The following SBK1 variants were observed in gnomAD, a reference collection of about 807,000 sequenced individuals.
SBK1 encodes serine/threonine-protein kinase SBK1.
In SBK1, 11 loss-of-function variants were observed where a neutral mutation model predicts 24.4. The ratio of observed to expected loss-of-function variants is 0.45; its 90% CI spans 0.28 to 0.75. SBK1 has a LOEUF of 0.75. Ranked by LOEUF, SBK1 falls within the 30% of genes least tolerant of loss-of-function variation. The pLI is 0.12. For missense variants in SBK1, 467 were observed against 620.5 expected, an observed-to-expected ratio of 0.75 and a Z score of 2.63; for synonymous variants, 308 against 284.4, an observed-to-expected ratio of 1.08 and a Z score of -0.83.
intron 1 of SBK1, among the ~76,000 whole-genome samples, chr16:28,264,311 C>CTGG (rs1555535657): frequency 5.9e-5 from 9 of 151,864 alleles, no homozygotes; most frequent in Admixed American, 2.0e-4. Flanking sequence ...TACAGGCTCA[C>CTGG]GCCTGTAATC....
chr16:28,265,288 G>A (rs961184794), intron 1 of SBK1, among the ~76,000 whole-genome samples: 12 of 151,838 alleles, frequency 7.9e-5, no homozygotes, highest in Non-Finnish European at 1.2e-4. Flanking sequence ...GCATCATGGC[G>A]CATGTCTGTA....
chr16:28,296,159 A>G (rs1352368466), intron 1 of SBK1, among the ~76,000 whole-genome samples: 1 of 149,756 alleles, frequency 6.7e-6, no homozygotes, highest in African/African-American at 2.5e-5. Flanking sequence ...TCGTGGCACA[A>G]TCTCGGCTCG....
rs1364511498 is a variant in SBK1 at position 28,320,449 on chromosome 16, G to A, written c.803G>A (p.Arg268His). 1 of 1,579,704 alleles carries A rather than the reference G, an allele frequency of 6.3e-7. No homozygotes were observed. Among genetic ancestry groups the A allele is most frequent in the Non-Finnish European group, 8.5e-7 (1 of 1,170,018 alleles). ...GADAFFEEFV[R>H]WQRGRLPGLP... ...GACGCCTTCTTCGAGGAGTTCGTGC[G>A]CTGGCAGCGGGGCCGCCTGCCGGGG... Residue 268 changes from arginine to histidine, a missense_variant, in exon 4 of 4, where the codon CGC (arginine) becomes CAC (histidine). Arg to His is a conservative substitution (Grantham distance 29). Transcript: ENST00000341901. This position sits in a 1 kb window ranked among gnomAD's most constrained non-coding sequence, Gnocchi z 8.5.
At chr16:28,307,944 A>G (rs1273377925) in intron 1 of SBK1, among the ~76,000 whole-genome samples, 1 of 152,158 alleles carries the variant, frequency 6.6e-6, no homozygotes, top group East Asian at 1.9e-4. Flanking sequence ...CCTGGCATAT[A>G]GTAAATGCTC....
At chr16:28,272,291 A>G (rs1387912523) in intron 1 of SBK1, among the ~76,000 whole-genome samples, 1 of 152,074 alleles carries the variant, frequency 6.6e-6, no homozygotes, top group Non-Finnish European at 1.5e-5. Context: ...GCTGGTTTCG[A>G]ACTCCTGGGC....
chr16:28,313,710 G>T (rs2044770426), intron 1 of SBK1, among the ~76,000 whole-genome samples: 1 of 151,914 alleles, frequency 6.6e-6, no homozygotes, highest in African/African-American at 2.4e-5. Context: ...GGAGGGGAGG[G>T]TTCCTTCCTC....
intron 1 of SBK1, among the ~76,000 whole-genome samples, chr16:28,271,160 GC>G (rs1243100940): frequency 2.0e-5 from 3 of 152,042 alleles, no homozygotes; most frequent in Non-Finnish European, 2.9e-5. Flanking sequence ...ACTGCACCCG[GC>G]CTACGCACCC....
intron 1 of SBK1, among the ~76,000 whole-genome samples, chr16:28,275,691 G>A (rs915893826): frequency 6.6e-6 from 1 of 152,056 alleles, no homozygotes. Flanking sequence ...ACCAGCCTTG[G>A]CAACATGACG....
intron 1 of SBK1, among the ~76,000 whole-genome samples, chr16:28,311,194 G>A (rs1309237459): frequency 6.6e-6 from 1 of 152,178 alleles, no homozygotes; most frequent in Non-Finnish European, 1.5e-5. Flanking sequence ...TGCCCCTGGG[G>A]AGCTCTTGGT....
In SBK1 at chr16:28,259,688, C is replaced by A. The variant is rs1300618314; in HGVS notation, c.257+186C>A. The stretch of plus-strand genomic sequence containing the variant: ...GTTGTTGCCACAGCCTCCTTCCTAT[C>A]TCCCCCACCCTAGCCCCAGAGTGGC... On this transcript the variant is annotated intron_variant, in intron 1 of 3. Coordinates refer to the SBK1 transcript ENST00000671413. This position sits in a 1 kb window ranked among gnomAD's most constrained non-coding sequence, Gnocchi z 6.0. Among the ~76,000 whole-genome samples, 2 of 152,196 alleles carry A rather than the reference C, an allele frequency of 1.3e-5. No homozygotes were observed. The highest frequency in any genetic ancestry group is 2.9e-5 in the Non-Finnish European group (2 of 68,036).
At chr16:28,293,449 G>A in intron 1 of SBK1, 149 bp downstream of exon 1, 2 of 230,190 alleles carry the variant, frequency 8.7e-6, no homozygotes, top group Non-Finnish European at 1.4e-5. Flanking sequence ...TTTGTGTCTC[G>A]CTTGGAGGAG....
chr16:28,299,336 G>T (rs1029322209), intron 1 of SBK1, among the ~76,000 whole-genome samples: 2 of 152,186 alleles, frequency 1.3e-5, no homozygotes, highest in Non-Finnish European at 2.9e-5. Flanking sequence ...GAGCAGAAAG[G>T]GAAAGTTAGC....
At chr16:28,312,766 G>A (rs755579653) in intron 1 of SBK1, among the ~76,000 whole-genome samples, 3 of 152,208 alleles carry the variant, frequency 2.0e-5, no homozygotes, top group African/African-American at 2.4e-5. Flanking sequence ...TTGGGAGGCC[G>A]AGGCAGGAGG....
intron 1 of SBK1, among the ~76,000 whole-genome samples, chr16:28,313,924 G>GT (rs1413410909): frequency 6.6e-6 from 1 of 152,070 alleles, no homozygotes; most frequent in Non-Finnish European, 1.5e-5. Context: ...GGCTCATGGA[G>GT]TGCTCACCCC....
chr16:28,290,013 G>C (rs1254989953), upstream of SBK1, among the ~76,000 whole-genome samples: 2 of 151,600 alleles, frequency 1.3e-5, no homozygotes, highest in African/African-American at 2.4e-5. Flanking sequence ...TTGATCCCAG[G>C]AGGTTGAGGC....
At chr16:28,294,650 G>A (rs2044626342) in intron 1 of SBK1, among the ~76,000 whole-genome samples, 2 of 152,210 alleles carry the variant, frequency 1.3e-5, no homozygotes, top group African/African-American at 4.8e-5. Flanking sequence ...ACCTGAAGCA[G>A]CTGATCCCTG....
intron 1 of SBK1, among the ~76,000 whole-genome samples, chr16:28,316,159 G>A (rs751695207): frequency 6.6e-6 from 1 of 152,198 alleles, no homozygotes; most frequent in Non-Finnish European, 1.5e-5. Context: ...CTGCCAGGCT[G>A]TGCTGATGTG....
At chr16:28,268,644 T>C (rs1187755888) in intron 1 of SBK1, among the ~76,000 whole-genome samples, 2 of 151,840 alleles carry the variant, frequency 1.3e-5, no homozygotes, top group East Asian at 3.9e-4. Context: ...GTGCCTGTAG[T>C]CCCAGCTACT....
rs567728317 is a variant in SBK1 at position 28,317,979 on chromosome 16, G to T, written c.226+362G>T. Among the ~76,000 whole-genome samples the T allele has an allele frequency of 2.0e-5, 3 of 152,274 alleles. No homozygotes were observed. The highest frequency in any genetic ancestry group is 4.4e-5 in the Non-Finnish European group (3 of 68,010). The stretch of plus-strand genomic sequence containing the variant: ...GCGTCTCAGGGATGTCTGGCCCCAG[G>T]AAGGTGGATGGAGAGTGAGGGTGGT... On this transcript the variant is annotated intron_variant, in intron 2 of 3. Transcript: ENST00000341901. The surrounding 1 kb of genome is among the most constrained non-coding windows in gnomAD (Gnocchi z 4.2).
Sources: gnomAD v4.1 joint callset for allele counts (sites outside exome capture counted in the v4.1 genomes callset) on GRCh38, gnomAD v4.1.1 for gene constraint, Gnocchi (gnomAD v3.1) non-coding constraint, MANE v1.5 for transcripts, NCBI Gene and HGNC (gene_info 2026-07-23, HGNC 2026-07-21) for gene names.